The following CPED1 variants were observed in gnomAD, a reference collection of about 807,000 sequenced individuals.
The protein encoded by CPED1 is cadherin like and PC-esterase domain containing 1.
Under a neutral mutation model 128.2 loss-of-function variants are expected in CPED1, and 114 were observed. The ratio of observed to expected loss-of-function variants is 0.89; its 90% CI spans 0.76 to 1.04. The LOEUF is 1.04. CPED1 is among the 50% of genes least tolerant of loss of function. The probability of loss-of-function intolerance (pLI) is 0.00; values close to 1 mark genes in which losing one functional copy is unlikely to be tolerated. For missense variants in CPED1, 1,211 were observed against 1,207.1 expected, an observed-to-expected ratio of 1.00 and a Z score of -0.05; for synonymous variants, 462 against 426.7, an observed-to-expected ratio of 1.08 and a Z score of -1.02.
chr7:121,031,357 G>A (rs1792726900), intron 3 of CPED1, among the ~76,000 whole-genome samples: 1 of 152,050 alleles, frequency 6.6e-6, no homozygotes, highest in Admixed American at 6.6e-5. Flanking sequence ...TGTTGCCCAG[G>A]TTGGAGGGCA....
At chr7:121,286,821 T>C (rs1261601879) in intron 22 of CPED1, among the ~76,000 whole-genome samples, 2 of 152,158 alleles carry the variant, frequency 1.3e-5, no homozygotes, top group South Asian at 4.1e-4. Flanking sequence ...ATTTTCATAC[T>C]GCTATAAAGG....
intron 5 of CPED1, 103 bp from the exon 6 acceptor site, chr7:121,097,596 T>C: frequency 7.7e-7 from 1 of 1,296,112 alleles, no homozygotes; most frequent in Non-Finnish European, 1.1e-6. Context: ...TGGTTGCATA[T>C]TTCTCATGTA....
At chr7:121,159,143 T>C (rs935687708) in intron 16 of CPED1, among the ~76,000 whole-genome samples, 24 of 152,232 alleles carry the variant, frequency 1.6e-4, no homozygotes, top group African/African-American at 5.5e-4. Context: ...CCCTAGTGAG[T>C]ATGTTGATAA....
At chr7:121,246,665 A>G (rs1025190861) in intron 18 of CPED1, among the ~76,000 whole-genome samples, 2 of 152,220 alleles carry the variant, frequency 1.3e-5, no homozygotes, top group African/African-American at 2.4e-5. Flanking sequence ...GTGTTTCAAC[A>G]TATGCATTTG....
At chr7:120,997,927 AAAAATAAAATAAAATAAAAT>A (rs139357762) in intron 2 of CPED1, among the ~76,000 whole-genome samples, 61 of 130,860 alleles carry the variant, frequency 4.7e-4, no homozygotes, top group Middle Eastern at 3.8e-3. Context: ...GGTCTCGAAA[AAAAATAAAATAAAATAAAAT>A]AAAATAAAAT....
intron 16 of CPED1, among the ~76,000 whole-genome samples, chr7:121,203,842 A>G (rs751753865): frequency 6.6e-6 from 1 of 152,110 alleles, no homozygotes; most frequent in Non-Finnish European, 1.5e-5. Flanking sequence ...AAGAAGAATA[A>G]AGAAAGAAAA....
At chr7:121,157,694 A>T (rs909989177) in intron 16 of CPED1, among the ~76,000 whole-genome samples, 2 of 152,214 alleles carry the variant, frequency 1.3e-5, no homozygotes, top group African/African-American at 2.4e-5. Context: ...CAGCAGAGTA[A>T]GGTTGAGAAC....
intron 16 of CPED1, among the ~76,000 whole-genome samples, chr7:121,236,139 A>G (rs942290674): frequency 1.3e-5 from 2 of 152,146 alleles, no homozygotes; most frequent in Admixed American, 6.6e-5. Flanking sequence ...GATGCAATAC[A>G]CTATCGTTCT....
At chr7:121,018,031 G>A (rs1039760582) in intron 3 of CPED1, among the ~76,000 whole-genome samples, 1 of 152,104 alleles carries the variant, frequency 6.6e-6, no homozygotes, top group African/African-American at 2.4e-5. Context: ...CAGGTCTCAA[G>A]AAAGGGTAGC....
At chr7:121,194,602 C>T (rs929206709) in intron 16 of CPED1, among the ~76,000 whole-genome samples, 2 of 151,986 alleles carry the variant, frequency 1.3e-5, no homozygotes, top group Non-Finnish European at 2.9e-5. Flanking sequence ...CAGTATGTGT[C>T]ATTGCTTATT....
Position 121,295,658 on chromosome 7 carries a change from C to T in CPED1, c.*6C>T, listed in dbSNP as rs748105345. On this transcript the variant is annotated 3_prime_UTR_variant, in exon 23 of 23. Coordinates refer to ENST00000310396, the MANE Select transcript of CPED1 (RefSeq NM_024913.5). ...CAAATAAAAGGACTATGTAGGCTCC[C>T]TGCAGGAGAGCTGAATCTGGAGCTG... The T allele has an allele frequency of 4.3e-6, 7 of 1,611,918 alleles. No homozygotes were observed. The Admixed American group carries it at 5.0e-5, about 12-fold the overall frequency.
chr7:121,064,192 C>T (rs3735466), intron 4 of CPED1, 46 bp from the exon 5 acceptor site: 21 of 1,320,604 alleles, frequency 1.6e-5, no homozygotes, highest in Middle Eastern at 1.8e-4. Context: ...TTTGCTTTAG[C>T]GTTGATGAAT....
At chr7:121,076,567 C>G (rs577237653) in intron 5 of CPED1, 4 of 152,184 alleles carry the variant, frequency 2.6e-5, no homozygotes, top group African/African-American at 9.6e-5. Context: ...ACATTTCAAC[C>G]CAAGTCTTTT....
intron 2 of CPED1, among the ~76,000 whole-genome samples, chr7:121,006,113 GCT>G (rs1356796182): frequency 1.3e-5 from 2 of 152,142 alleles, no homozygotes; most frequent in African/African-American, 2.4e-5. Flanking sequence ...TTGCCCCAAT[GCT>G]CTTTCCTTTC....
At position 120,989,768 on chromosome 7, in the gene CPED1, C is replaced by T. The variant is rs765274413; in HGVS notation, c.147C>T (p.Val49=). ...RKLTAAAPGA[V]PHTSTETQAS... is the part of the protein sequence containing the mutation. ...TCACAGCCGCTGCCCCTGGGGCTGT[C>T]CCACACACATCCACTGAAACCCAGG... Residue 49 remains valine, a synonymous_variant, in exon 2 of 23, where the codon GTC becomes GTT. Transcript: ENST00000310396. 2 of 1,613,926 alleles carry T rather than the reference C, an allele frequency of 1.2e-6. No individual in the cohort carries two copies. Among genetic ancestry groups the T allele is most frequent in the Non-Finnish European group, 1.7e-6 (2 of 1,180,000 alleles).
intron 7 of CPED1, among the ~76,000 whole-genome samples, chr7:121,104,208 ATATTT>A (rs1398482164): frequency 2.6e-5 from 4 of 152,130 alleles, no homozygotes; most frequent in East Asian, 1.9e-4. Context: ...ATTTTAAGAA[ATATTT>A]TATTTTAAAA....
At chr7:121,108,567 T>C (rs1365305668) in intron 7 of CPED1, among the ~76,000 whole-genome samples, 1 of 152,124 alleles carries the variant, frequency 6.6e-6, no homozygotes, top group Non-Finnish European at 1.5e-5. Flanking sequence ...TGAGTATACA[T>C]TTAAGTGAAG....
At chr7:121,105,519 ATG>A (rs967631117) in intron 7 of CPED1, among the ~76,000 whole-genome samples, 2 of 152,140 alleles carry the variant, frequency 1.3e-5, no homozygotes, top group African/African-American at 4.8e-5. Context: ...TGTAGAAAGA[ATG>A]TGAATAAAAG....
chr7:120,999,533 C>G (rs1050728982), intron 2 of CPED1, among the ~76,000 whole-genome samples: 2 of 152,088 alleles, frequency 1.3e-5, no homozygotes, highest in African/African-American at 4.8e-5. Flanking sequence ...ACAGATTGAT[C>G]CTACCTAAAA....
Sources: gnomAD v4.1 joint callset for allele counts (sites outside exome capture counted in the v4.1 genomes callset) on GRCh38, gnomAD v4.1.1 for gene constraint, MANE v1.5 for transcripts, NCBI Gene and HGNC (gene_info 2026-07-23, HGNC 2026-07-21) for gene names.